WWOX: variants seen among roughly 807,000 people sequenced by gnomAD.
WWOX encodes WW domain-containing oxidoreductase.
A neutral mutation model predicts 46.2 loss-of-function variants in WWOX; 69 were observed. The observed-to-expected ratio is 1.49, with a 90% CI of 1.23 to 1.82. The LOEUF (loss-of-function observed/expected upper bound fraction) is 1.82. Ranked by LOEUF, WWOX falls within the 40% of genes most tolerant of loss-of-function variation. The pLI, the probability that WWOX is intolerant of heterozygous loss-of-function variation, is 0.00. For synonymous variants in WWOX, 359 were observed against 202.6 expected (o/e 1.77, Z -6.56); for missense variants, 919 against 542.6 (o/e 1.69, Z -6.89).
chr16:78,356,771 A>C (rs1403555724), intron 5 of WWOX, among the ~76,000 whole-genome samples: 1 of 151,880 alleles, frequency 6.6e-6, no homozygotes, highest in African/African-American at 2.4e-5. Context: ...AATCCCAGCG[A>C]CTCGGGAGGC....
intron 8 of WWOX, among the ~76,000 whole-genome samples, chr16:78,934,892 G>A (rs1447100107): frequency 6.6e-6 from 1 of 152,096 alleles, no homozygotes; most frequent in African/African-American, 2.4e-5. Context: ...TTGAGCCCAG[G>A]AGTTTGAGAC....
chr16:78,377,490 C>T (rs917856691), intron 5 of WWOX, among the ~76,000 whole-genome samples: 1 of 152,106 alleles, frequency 6.6e-6, no homozygotes, highest in Non-Finnish European at 1.5e-5. Context: ...CACGCTTTAC[C>T]TATAGTTAAC....
intron 5 of WWOX, among the ~76,000 whole-genome samples, chr16:78,363,537 C>T (rs1286485426): frequency 6.6e-6 from 1 of 152,100 alleles, no homozygotes; most frequent in Non-Finnish European, 1.5e-5. Flanking sequence ...GCTTGGCCTC[C>T]CAAAGTGCTG....
At position 78,820,633 on chromosome 16, in the gene WWOX, C is replaced by T. The variant is rs563845974; in HGVS notation, c.1056+387881C>T. ...GTGAAAGCAAGACCACAGGGCCTGTCTTCAGGGAAGTGCCTTGCATTTTAA... is the reference window on the plus strand; with the variant it reads ...GTGAAAGCAAGACCACAGGGCCTGTTTTCAGGGAAGTGCCTTGCATTTTAA... On this transcript the variant is annotated intron_variant, in intron 8 of 8. Transcript: ENST00000566780. 3.3e-3 allele frequency among the ~76,000 whole-genome samples: 496 copies of T among 152,234 alleles called. 3 individuals carry two copies. Among genetic ancestry groups the T allele is most frequent in the Non-Finnish European group, 5.4e-3 (367 of 68,018 alleles).
chr16:78,746,292 G>A (rs565092192), intron 8 of WWOX, among the ~76,000 whole-genome samples: 101 of 152,282 alleles, frequency 6.6e-4, no homozygotes, highest in Non-Finnish European at 1.0e-3. Context: ...GAGGCCAGGT[G>A]TTCAAGACCA....
chr16:78,470,438 C>G (rs147352618), intron 8 of WWOX, among the ~76,000 whole-genome samples: 238 of 152,328 alleles, frequency 1.6e-3, no homozygotes, highest in African/African-American at 5.7e-3. Context: ...CCAGAAATAA[C>G]TAAGCATGCT....
In WWOX at chr16:78,925,789, A is replaced by T. The variant is rs112736732; in HGVS notation, c.1057-285819A>T. 7.9e-4 allele frequency among the ~76,000 whole-genome samples: 121 copies of T among 152,298 alleles called. 1 individual carries two copies. Among genetic ancestry groups the T allele is most frequent in the African/African-American group, 2.8e-3 (116 of 41,560 alleles). On this transcript the variant is annotated intron_variant, in intron 8 of 8. Coordinates refer to ENST00000566780, the MANE Select transcript of WWOX (RefSeq NM_016373.4). ...GTTCTTGCAGGGTGAGGCTTTGGCC[A>T]ATAAGAAAGCAGTGCTCAGAGGTAA...
intron 8 of WWOX, among the ~76,000 whole-genome samples, chr16:78,434,717 G>A (rs1330241395): frequency 2.0e-5 from 3 of 152,154 alleles, no homozygotes; most frequent in African/African-American, 7.2e-5. Context: ...CCTAATCAGA[G>A]GAACGGGATG....
intron 8 of WWOX, among the ~76,000 whole-genome samples, chr16:78,807,295 A>G (rs2051067066): frequency 6.6e-6 from 1 of 152,256 alleles, no homozygotes; most frequent in African/African-American, 2.4e-5. Flanking sequence ...TCATACCACA[A>G]TGTCAAAATA....
intron 5 of WWOX, among the ~76,000 whole-genome samples, chr16:78,370,621 T>C (rs12932569): frequency 0.45 from 67,696 of 151,894 alleles, 17,730 homozygotes; most frequent in Non-Finnish European, 0.6. Context: ...AATCTTCTTA[T>C]TGTGTCTATC....
At chr16:78,183,150 C>G (rs1239403495) in intron 5 of WWOX, among the ~76,000 whole-genome samples, 1 of 152,040 alleles carries the variant, frequency 6.6e-6, no homozygotes, top group Non-Finnish European at 1.5e-5. Flanking sequence ...ACTGGACTCT[C>G]AGCACATATA....
chr16:79,040,780 C>T (rs892326792), intron 8 of WWOX, among the ~76,000 whole-genome samples: 5 of 152,106 alleles, frequency 3.3e-5, no homozygotes, highest in Non-Finnish European at 5.9e-5. Context: ...CTTAGACCTT[C>T]TTCTGAGTGC....
intron 5 of WWOX, among the ~76,000 whole-genome samples, chr16:78,242,717 A>C (rs1214763871): frequency 2.0e-5 from 3 of 152,112 alleles, no homozygotes; most frequent in Admixed American, 6.5e-5. Context: ...AATAAGAGAT[A>C]TGAAAGCCAG....
At chr16:78,709,581 C>T (rs902629385) in intron 8 of WWOX, among the ~76,000 whole-genome samples, 1 of 152,130 alleles carries the variant, frequency 6.6e-6, no homozygotes, top group Non-Finnish European at 1.5e-5. Flanking sequence ...CACTGCCCTG[C>T]TAAGGGGTTT....
At chr16:78,366,478 G>C (rs1486686352) in intron 5 of WWOX, among the ~76,000 whole-genome samples, 1 of 152,122 alleles carries the variant, frequency 6.6e-6, no homozygotes, top group East Asian at 1.9e-4. Flanking sequence ...GCATTCATTG[G>C]AACCTGAATG....
At chr16:78,923,899 A>T (rs2045438621) in intron 8 of WWOX, among the ~76,000 whole-genome samples, 1 of 145,692 alleles carries the variant, frequency 6.9e-6, no homozygotes, top group African/African-American at 2.6e-5. Flanking sequence ...TCCTGGGTTC[A>T]TGCCATTCTC....
At chr16:78,349,123 A>C (rs8058247) in intron 5 of WWOX, among the ~76,000 whole-genome samples, 65,821 of 118,386 alleles carry the variant, frequency 0.56, 26,582 homozygotes, top group African/African-American at 0.7. Flanking sequence ...TCTGAGGTCT[A>C]CCTCGTCTGC....
chr16:78,369,577 C>T (rs1375379804), intron 5 of WWOX, among the ~76,000 whole-genome samples: 1 of 152,098 alleles, frequency 6.6e-6, no homozygotes, highest in East Asian at 1.9e-4. Flanking sequence ...TATTGAGGGG[C>T]TGGACTGATT....
intron 8 of WWOX, chr16:78,898,101 T>C (rs1027206573): frequency 1.3e-5 from 2 of 152,148 alleles, no homozygotes; most frequent in Non-Finnish European, 2.9e-5. Flanking sequence ...CTCCTTTGTC[T>C]TGTCTATTTA....
Sources: gnomAD v4.1 joint callset for allele counts (sites outside exome capture counted in the v4.1 genomes callset) on GRCh38, gnomAD v4.1.1 for gene constraint, MANE v1.5 for transcripts, NCBI Gene and HGNC (gene_info 2026-07-23, HGNC 2026-07-21) for gene names.